PTH2R: variants seen among roughly 807,000 people sequenced by gnomAD.
PTH2R encodes PTH2 receptor.
A neutral mutation model predicts 60.3 loss-of-function variants in PTH2R; 59 were observed. The observed-to-expected ratio is 0.98, with a 90% CI of 0.79 to 1.22. PTH2R has a LOEUF of 1.22. PTH2R is among the 50% of genes most tolerant of loss of function. The probability of loss-of-function intolerance (pLI) is 0.00; values close to 1 mark genes in which losing one functional copy is unlikely to be tolerated. For synonymous variants in PTH2R, 256 were observed against 243.8 expected, an observed-to-expected ratio of 1.05 and a Z score of -0.47; for missense variants, 749 against 682.6, an observed-to-expected ratio of 1.10 and a Z score of -1.08.
chr2:208,436,218 T>A (rs187081722), intron 2 of PTH2R, among the ~76,000 whole-genome samples: 1 of 152,180 alleles, frequency 6.6e-6, no homozygotes, highest in Non-Finnish European at 1.5e-5. Context: ...TAAGGAAGAT[T>A]TTGGGATGCA....
intron 1 of PTH2R, among the ~76,000 whole-genome samples, chr2:208,386,405 A>C (rs1414466199): frequency 1.3e-5 from 2 of 152,184 alleles, no homozygotes; most frequent in Non-Finnish European, 2.9e-5. Context: ...CTGTATCTTG[A>C]CTGTATCTGT....
In PTH2R at chr2:208,362,245, A is replaced by C. The variant is rs375537052; in HGVS notation, c.-259+2008A>C. ...CTTTGGACTTGAATTGAATTACAGC[A>C]TGAACTTTCCTAGTTCTCTAGCTTG... is the stretch of plus-strand genomic sequence containing the variant. On this transcript the variant is annotated intron_variant, in intron 1 of 12. Coordinates refer to the PTH2R transcript ENST00000617735. Among the ~76,000 whole-genome samples, 70 of 152,286 alleles carry C rather than the reference A, an allele frequency of 4.6e-4. 1 individual carries two copies. The South Asian group carries it at 9.3e-3, about 20-fold the overall frequency.
chr2:208,400,874 C>T (rs1368985936), intron 1 of PTH2R, among the ~76,000 whole-genome samples: 1 of 152,140 alleles, frequency 6.6e-6, no homozygotes, highest in African/African-American at 2.4e-5. Context: ...ATATGTATCT[C>T]TTGAACTTTT....
chr2:208,467,012 G>C (rs1702768614), intron 9 of PTH2R, among the ~76,000 whole-genome samples: 1 of 151,684 alleles, frequency 6.6e-6, no homozygotes, highest in Non-Finnish European at 1.5e-5. Flanking sequence ...TTTTTGGATA[G>C]TTCATTGTTT....
intron 1 of PTH2R, among the ~76,000 whole-genome samples, chr2:208,382,769 G>A (rs1478049331): frequency 1.3e-5 from 2 of 152,180 alleles, no homozygotes; most frequent in Admixed American, 1.3e-4. Flanking sequence ...ACGGACTCCT[G>A]CGTGTCTGTC....
chr2:208,493,522 C>T lies in PTH2R; in HGVS notation c.1516C>T (p.Pro506Ser), dbSNP rs956794027. The T allele has an allele frequency of 6.2e-7, 1 of 1,613,634 alleles. No homozygotes were observed. The highest frequency in any genetic ancestry group is 1.3e-5 in the African/African-American group (1 of 74,920). ...GAGTAACTCAGAGCAGGACTGCCTGCCACACTCTTTCCACGAGGAGACCAA... is the reference window on the plus strand; with the variant it reads ...GAGTAACTCAGAGCAGGACTGCCTGTCACACTCTTTCCACGAGGAGACCAA... ...VWSNSEQDCLPHSFHEETKED... is the reference protein window; with the variant it reads ...VWSNSEQDCLSHSFHEETKED... Residue 506 changes from proline to serine, a missense_variant, in exon 13 of 13, where the codon CCA (proline) becomes TCA (serine). Transcript: ENST00000272847.
intron 1 of PTH2R, among the ~76,000 whole-genome samples, chr2:208,395,133 C>T (rs956821325): frequency 6.6e-6 from 1 of 151,936 alleles, no homozygotes; most frequent in Non-Finnish European, 1.5e-5. Flanking sequence ...CTGCAAGCTC[C>T]ACCTCCCAGG....
At chr2:208,396,387 G>T (rs960924214) in intron 1 of PTH2R, among the ~76,000 whole-genome samples, 2 of 152,000 alleles carry the variant, frequency 1.3e-5, no homozygotes, top group African/African-American at 4.8e-5. Context: ...CTACAGAATG[G>T]GAGAAAATTT....
intron 1 of PTH2R, among the ~76,000 whole-genome samples, chr2:208,401,160 T>C (rs934957518): frequency 2.6e-5 from 4 of 152,202 alleles, no homozygotes; most frequent in Non-Finnish European, 5.9e-5. Context: ...CATATTCCCA[T>C]AAACATTGAG....
chr2:208,466,013 C>G (rs1343199198), intron 9 of PTH2R, among the ~76,000 whole-genome samples: 3 of 151,998 alleles, frequency 2.0e-5, no homozygotes, highest in African/African-American at 7.3e-5. Flanking sequence ...TACTTTGTTT[C>G]CATGCATTTA....
intron 8 of PTH2R, among the ~76,000 whole-genome samples, chr2:208,459,292 A>C (rs1205911657): frequency 6.6e-6 from 1 of 152,198 alleles, no homozygotes; most frequent in Non-Finnish European, 1.5e-5. Flanking sequence ...ATTCAGTACA[A>C]TAAATACCAA....
At chr2:208,486,106 C>A (rs1703268265) in intron 10 of PTH2R, among the ~76,000 whole-genome samples, 2 of 152,216 alleles carry the variant, frequency 1.3e-5, no homozygotes, top group Non-Finnish European at 1.5e-5. Flanking sequence ...GCAGCCAACA[C>A]TTTAATTTCA....
chr2:208,424,125 A>G, intron 1 of PTH2R, among the ~76,000 whole-genome samples: 1 of 152,098 alleles, frequency 6.6e-6, no homozygotes, highest in East Asian at 1.9e-4. Flanking sequence ...CCAGCAGAGG[A>G]GTAGAGGGAC....
At chr2:208,488,810 G>T (rs566966179) in intron 10 of PTH2R, among the ~76,000 whole-genome samples, 5 of 152,140 alleles carry the variant, frequency 3.3e-5, no homozygotes, top group Non-Finnish European at 7.4e-5. Context: ...TCAGGAGGTC[G>T]ACACTGCAGT....
intron 1 of PTH2R, among the ~76,000 whole-genome samples, chr2:208,387,437 A>T (rs1701022428): frequency 6.6e-6 from 1 of 152,222 alleles, no homozygotes; most frequent in Admixed American, 6.5e-5. Context: ...TTGCACTCAC[A>T]AAAGACACAC....
intron 1 of PTH2R, among the ~76,000 whole-genome samples, chr2:208,399,862 T>G (rs1162773184): frequency 1.3e-5 from 2 of 152,060 alleles, no homozygotes; most frequent in African/African-American, 4.8e-5. Context: ...TTATTTGAGG[T>G]TTTTCTTTCC....
chr2:208,441,259 G>C (rs1183809477), intron 4 of PTH2R, among the ~76,000 whole-genome samples: 1 of 152,186 alleles, frequency 6.6e-6, no homozygotes, highest in Non-Finnish European at 1.5e-5. Context: ...TAAACAGCCA[G>C]GTGAAGAGAC....
At chr2:208,370,772 C>T (rs1574812929) in intron 1 of PTH2R, among the ~76,000 whole-genome samples, 1 of 151,956 alleles carries the variant, frequency 6.6e-6, no homozygotes, top group African/African-American at 2.4e-5. Context: ...TTATACCCAC[C>T]TGTGTTAGTT....
Position 208,401,552 on chromosome 2 carries a change from A to AT in PTH2R, c.-258-26641dup, listed in dbSNP as rs1185156576. 1.4e-4 allele frequency among the ~76,000 whole-genome samples: 21 copies of AT among 149,360 alleles called. 1 individual carries two copies. Among genetic ancestry groups the AT allele is most frequent in the Admixed American group, 1.1e-3 (17 of 14,952 alleles). ...CTCTCCTTCTTATTCCTTCCTGTGT[A>AT]TTTTTTTTAAACTTAATCCTTTTCC... On this transcript the variant is annotated intron_variant, in intron 1 of 12. Transcript: ENST00000617735.
Sources: allele counts gnomAD v4.1 joint callset (sites outside exome capture counted in the v4.1 genomes callset), GRCh38; gene constraint gnomAD v4.1.1; transcripts MANE v1.5; gene names NCBI Gene and HGNC (gene_info 2026-07-23, HGNC 2026-07-21).